KDELR2: variants seen among roughly 807,000 people sequenced by gnomAD.
The protein encoded by KDELR2 is ER lumen protein-retaining receptor 2.
KDELR2 carries 15 observed loss-of-function variants against 23.9 expected under a neutral mutation model. The ratio of observed to expected loss-of-function variants is 0.63; its 90% CI spans 0.42 to 0.97. The LOEUF is 0.97. Ranked by LOEUF, KDELR2 falls within the 50% of genes least tolerant of loss-of-function variation. The pLI is 0.00. For missense variants in KDELR2, 272 were observed against 254.6 expected (o/e 1.07, Z -0.46); for synonymous variants, 119 against 106.2 (o/e 1.12, Z -0.74).
chr7:6,483,903 G>C (rs977480779), intron 1 of KDELR2, 64 bp downstream of exon 1: 3 of 1,286,300 alleles, frequency 2.3e-6, no homozygotes, highest in African/African-American at 1.6e-5. Flanking sequence ...GCCGAGGTCG[G>C]CGGGTCCTCG....
At chr7:6,468,403 C>A (rs1354375132) in intron 3 of KDELR2, among the ~76,000 whole-genome samples, 1 of 152,220 alleles carries the variant, frequency 6.6e-6, no homozygotes, top group Non-Finnish European at 1.5e-5. Context: ...GATCTCGGCT[C>A]ACTGCAACTT....
chr7:6,465,654 G>A (rs560678992), intron 4 of KDELR2, among the ~76,000 whole-genome samples: 36 of 152,136 alleles, frequency 2.4e-4, no homozygotes, highest in African/African-American at 8.7e-4. Context: ...ATGGGGGCTG[G>A]GTAAATAAAT....
chr7:6,472,324 GAGA>G (rs1785665059), intron 2 of KDELR2, among the ~76,000 whole-genome samples: 1 of 152,090 alleles, frequency 6.6e-6, no homozygotes, highest in African/African-American at 2.4e-5. Flanking sequence ...GCAGCACCTG[GAGA>G]AGAACAGCTG....
intron 2 of KDELR2, among the ~76,000 whole-genome samples, chr7:6,472,314 G>C (rs1030009324): frequency 3.3e-5 from 5 of 152,124 alleles, no homozygotes; most frequent in Non-Finnish European, 5.9e-5. Flanking sequence ...TAAGGCCTTA[G>C]CAGCACCTGG....
At chr7:6,483,697 G>C (rs1253200699) in intron 1 of KDELR2, among the ~76,000 whole-genome samples, 1 of 152,210 alleles carries the variant, frequency 6.6e-6, no homozygotes, top group Non-Finnish European at 1.5e-5. Flanking sequence ...GACACAGCAG[G>C]GCCCCGCGCA....
chr7:6,477,353 G>T (rs950074351), intron 1 of KDELR2, among the ~76,000 whole-genome samples: 1 of 152,208 alleles, frequency 6.6e-6, no homozygotes, highest in African/African-American at 2.4e-5. Flanking sequence ...ATAGGAAAAT[G>T]GGAATCCTAG....
Position 6,484,138 on chromosome 7 carries a change from A to G in KDELR2, c.-81T>C. Reference sequence around the variant, plus strand: ...CAGGAGGCGGCGGCCCCTGAGAGGAAGCGGCGAAGATGGCGAGATCGCCCG... The same window carrying G: ...CAGGAGGCGGCGGCCCCTGAGAGGAGGCGGCGAAGATGGCGAGATCGCCCG... On this transcript the variant is annotated 5_prime_UTR_variant, in exon 1 of 5. Coordinates refer to ENST00000258739, the MANE Select transcript of KDELR2 (RefSeq NM_006854.4). 1 of 1,124,768 alleles carries G rather than the reference A, an allele frequency of 8.9e-7. No individual in the cohort carries two copies. The highest frequency in any genetic ancestry group is 3.5e-5 in the South Asian group (1 of 28,938). The allele number at this position is 1,124,768 out of a possible 1,614,324, so 69.7% of individuals were successfully genotyped here.
At chr7:6,465,370 G>A (rs1304021967) in intron 4 of KDELR2, among the ~76,000 whole-genome samples, 1 of 151,458 alleles carries the variant, frequency 6.6e-6, no homozygotes, top group African/African-American at 2.4e-5. Flanking sequence ...ATTTTTAGTA[G>A]AGACGGGGTT....
Position 6,469,808 on chromosome 7 carries a change from C to T in KDELR2, c.193-54G>A, listed in dbSNP as rs1049811786. The T allele has an allele frequency of 1.6e-5, 23 of 1,447,000 alleles. No homozygotes were observed. The African/African-American group carries it at 2.5e-4, about 15-fold the overall frequency. 89.6% of individuals were successfully genotyped at this position (1,447,000 alleles called of 1,614,324 possible). A position where few individuals can be genotyped will look rare whatever the true frequency, so the allele number is the denominator to read the frequency against. Reference sequence around the variant, plus strand: ...TCAATACCTTGCCACTGTTCCAGCACCCCCCAGCTTTTTTAATCACCCATG... The same window carrying T: ...TCAATACCTTGCCACTGTTCCAGCATCCCCCAGCTTTTTTAATCACCCATG... On this transcript the variant is annotated intron_variant, in intron 2 of 4. Transcript: ENST00000258739.
At chr7:6,467,526 C>T (rs182025179) in intron 3 of KDELR2, among the ~76,000 whole-genome samples, 34 of 152,108 alleles carry the variant, frequency 2.2e-4, no homozygotes, top group East Asian at 5.8e-4. Flanking sequence ...TTTGGGAAGC[C>T]GAGACAGGCA....
chr7:6,470,595 A>G (rs765123351), intron 2 of KDELR2, among the ~76,000 whole-genome samples: 1 of 152,246 alleles, frequency 6.6e-6, no homozygotes, highest in Non-Finnish European at 1.5e-5. Context: ...ATAATTATAC[A>G]TATGTACCAC....
chr7:6,474,128 G>T (rs1785707244), intron 2 of KDELR2, 56 bp downstream of exon 2: 1 of 988,732 alleles, frequency 1.0e-6, no homozygotes, highest in Non-Finnish European at 1.6e-6. Context: ...TAAATTAAGT[G>T]TCCATAGACC....
intron 1 of KDELR2, 138 bp downstream of exon 1, chr7:6,483,829 G>T: frequency 3.5e-6 from 2 of 579,570 alleles, no homozygotes; most frequent in Non-Finnish European, 4.9e-6. Flanking sequence ...CCCGGGTCCG[G>T]GCACCCGTTA....
chr7:6,475,842 T>C (rs1018563286), intron 1 of KDELR2, among the ~76,000 whole-genome samples: 8 of 152,226 alleles, frequency 5.3e-5, no homozygotes, highest in South Asian at 2.1e-4. Flanking sequence ...TTAGTAAGTA[T>C]GAATTTAACA....
chr7:6,481,999 T>C (rs1009810056), intron 1 of KDELR2, among the ~76,000 whole-genome samples: 2 of 36,554 alleles, frequency 5.5e-5, no homozygotes, highest in Non-Finnish European at 1.3e-4. Flanking sequence ...ATTTATTTAT[T>C]TATTTATTTA....
chr7:6,462,456 CA>C lies in KDELR2; in HGVS notation c.*684del, dbSNP rs1785409086. Reference sequence around the variant, plus strand: ...ACAGTCTCCAACTGACACTTCCCAGCAGGGGAGGAGGGCAGGCACCTTTGGT... The same window carrying C: ...ACAGTCTCCAACTGACACTTCCCAGCGGGGAGGAGGGCAGGCACCTTTGGT... On this transcript the variant is annotated 3_prime_UTR_variant, in exon 5 of 5. Coordinates refer to ENST00000258739, the MANE Select transcript of KDELR2 (RefSeq NM_006854.4). 6.4e-6 allele frequency: 1 copy of C among 155,824 alleles called. No homozygotes were observed. Among genetic ancestry groups the C allele is most frequent in the Non-Finnish European group, 1.4e-5 (1 of 70,632 alleles). 9.7% of individuals were successfully genotyped at this position (155,824 alleles called of 1,614,324 possible).
intron 3 of KDELR2, among the ~76,000 whole-genome samples, chr7:6,468,678 T>C (rs982069605): frequency 1.8e-4 from 27 of 151,876 alleles, no homozygotes; most frequent in African/African-American, 6.0e-4. Context: ...GCTAGTTTTT[T>C]GTATTTTTAG....
chr7:6,466,031 C>T (rs749983878), intron 4 of KDELR2, 40 bp downstream of exon 4: 2 of 1,603,220 alleles, frequency 1.2e-6, no homozygotes, highest in African/African-American at 2.7e-5. Flanking sequence ...CCTAAAAGAA[C>T]ACGTCACTCT....
intron 1 of KDELR2, among the ~76,000 whole-genome samples, chr7:6,476,366 CA>C (rs1785752541): frequency 6.6e-6 from 1 of 152,144 alleles, no homozygotes; most frequent in Non-Finnish European, 1.5e-5. Flanking sequence ...ACCAATGTTC[CA>C]AAGGGGAAAT....
Sources: allele counts gnomAD v4.1 joint callset (sites outside exome capture counted in the v4.1 genomes callset), GRCh38; gene constraint gnomAD v4.1.1; transcripts MANE v1.5; gene names NCBI Gene and HGNC (gene_info 2026-07-23, HGNC 2026-07-21).